The following NMNAT2 variants were observed in gnomAD, a reference collection of about 807,000 sequenced individuals.
NMNAT2 encodes nicotinamide/nicotinic acid mononucleotide adenylyltransferase 2.
Under a neutral mutation model 41.6 loss-of-function variants are expected in NMNAT2, and 11 were observed. The ratio of observed to expected loss-of-function variants is 0.26; its 90% CI spans 0.17 to 0.44. The LOEUF is 0.44. Ranked by LOEUF, NMNAT2 falls within the 20% of genes least tolerant of loss-of-function variation. The pLI is 1.00. For missense variants in NMNAT2, 288 were observed against 407.7 expected (o/e 0.71, Z 2.53); for synonymous variants, 148 against 151.2 (o/e 0.98, Z 0.16).
intron 1 of NMNAT2, among the ~76,000 whole-genome samples, chr1:183,406,692 T>G (rs1306381886): frequency 4.6e-5 from 7 of 152,190 alleles, no homozygotes. Flanking sequence ...CGGTTTTTGG[T>G]TTTGTTCGCT....
intron 1 of NMNAT2, among the ~76,000 whole-genome samples, chr1:183,296,513 T>C (rs904374911): frequency 1.5e-5 from 2 of 132,140 alleles, no homozygotes; most frequent in African/African-American, 5.2e-5. Context: ...GATAAGTGTG[T>C]CACATTTGCT....
Position 183,279,127 on chromosome 1 carries a change from C to T in NMNAT2, c.575-498G>A, listed in dbSNP as rs1661197912. ...GGACAGTGAGTGTACCTTGAGGTAG[C>T]TGAGTGTATAAAATGTGTCACATGG... is the stretch of plus-strand genomic sequence containing the variant. On this transcript the variant is annotated intron_variant, in intron 7 of 10. Transcript: ENST00000287713. Among the ~76,000 whole-genome samples the T allele has an allele frequency of 4.6e-5, 7 of 152,216 alleles. No homozygotes were observed. The South Asian group carries it at 1.4e-3, about 32-fold the overall frequency.
intron 8 of NMNAT2, among the ~76,000 whole-genome samples, chr1:183,265,258 C>CTTTTTTTTT (rs67117635): frequency 3.3e-4 from 21 of 64,524 alleles, no homozygotes; most frequent in African/African-American, 4.5e-4. Flanking sequence ...TCTTCTTCTT[C>CTTTTTTTTT]TTTTTTTTTT....
intron 1 of NMNAT2, among the ~76,000 whole-genome samples, chr1:183,369,279 T>G (rs959114505): frequency 1.3e-5 from 2 of 149,508 alleles, no homozygotes; most frequent in African/African-American, 4.9e-5. Context: ...TTTTTTTTAT[T>G]ATTTATTTAT....
At chr1:183,274,531 T>A (rs1267509788) in intron 8 of NMNAT2, among the ~76,000 whole-genome samples, 1 of 151,760 alleles carries the variant, frequency 6.6e-6, no homozygotes, top group Admixed American at 6.6e-5. Flanking sequence ...CAGGGTGGTC[T>A]CGAACTCTTG....
intron 1 of NMNAT2, among the ~76,000 whole-genome samples, chr1:183,342,022 C>CTTTTTTTTT (rs11355849): frequency 7.5e-6 from 1 of 132,562 alleles, no homozygotes; most frequent in Admixed American, 7.6e-5. Context: ...CCTTCCTCAC[C>CTTTTTTTTT]TTTTTTTTTT....
chr1:183,386,227 G>T (rs1485092251), intron 1 of NMNAT2, among the ~76,000 whole-genome samples: 2 of 151,992 alleles, frequency 1.3e-5, no homozygotes, highest in Non-Finnish European at 2.9e-5. Context: ...GTGAACAAAG[G>T]TATCACAAGA....
At chr1:183,255,294 T>G (rs1660487212) in intron 10 of NMNAT2, among the ~76,000 whole-genome samples, 1 of 152,236 alleles carries the variant, frequency 6.6e-6, no homozygotes, top group South Asian at 2.1e-4. Context: ...TTTATGCCAG[T>G]ACCATACTGT....
At chr1:183,296,595 C>T (rs1053012569) in intron 1 of NMNAT2, among the ~76,000 whole-genome samples, 4 of 151,924 alleles carry the variant, frequency 2.6e-5, no homozygotes, top group African/African-American at 7.2e-5. Context: ...TCACTGCAAC[C>T]TCCGCCTCCT....
chr1:183,289,700 G>A (rs961592140), intron 4 of NMNAT2, among the ~76,000 whole-genome samples: 2 of 152,340 alleles, frequency 1.3e-5, no homozygotes, highest in East Asian at 1.9e-4. Flanking sequence ...AAGGGGGCCA[G>A]TGGGGCCCCC....
intron 5 of NMNAT2, 60 bp from the exon 6 acceptor site, chr1:183,284,850 CTCA>C (rs1661362288): frequency 7.0e-7 from 1 of 1,423,320 alleles, no homozygotes; most frequent in South Asian, 1.1e-5. Flanking sequence ...ACAACTGGCA[CTCA>C]TGTCGGCCCG....
intron 8 of NMNAT2, among the ~76,000 whole-genome samples, chr1:183,263,636 C>G (rs1660724729): frequency 1.3e-5 from 2 of 152,080 alleles, no homozygotes; most frequent in East Asian, 3.9e-4. Flanking sequence ...GAAACCCTGT[C>G]TCTACTAAAA....
At chr1:183,253,266 CTATAT>C (rs947050184) in intron 10 of NMNAT2, among the ~76,000 whole-genome samples, 20 of 146,772 alleles carry the variant, frequency 1.4e-4, no homozygotes, top group Admixed American at 2.7e-4. Flanking sequence ...ATATATTATA[CTATAT>C]TATATTATTT....
chr1:183,254,208 T>G (rs1393382673), intron 10 of NMNAT2, among the ~76,000 whole-genome samples: 1 of 152,190 alleles, frequency 6.6e-6, no homozygotes. Flanking sequence ...CCACCAACAG[T>G]GTACAAGGGT....
At chr1:183,305,043 A>T (rs183647335) in intron 1 of NMNAT2, among the ~76,000 whole-genome samples, 1 of 149,828 alleles carries the variant, frequency 6.7e-6, no homozygotes, top group Admixed American at 6.7e-5. Context: ...CCCCATTCCC[A>T]TCCCGCATCC....
intron 7 of NMNAT2, 40 bp from the exon 8 acceptor site, chr1:183,278,669 T>A: frequency 7.0e-7 from 1 of 1,438,068 alleles, no homozygotes; most frequent in Non-Finnish European, 9.8e-7. Flanking sequence ...GAGTAAGTGG[T>A]GGCCCGGGAA....
chr1:183,294,527 T>TC (rs1380895173), intron 1 of NMNAT2, among the ~76,000 whole-genome samples: 1 of 152,156 alleles, frequency 6.6e-6, no homozygotes, highest in Non-Finnish European at 1.5e-5. Flanking sequence ...GTGTGGTGGC[T>TC]CACACCTGTA....
At chr1:183,373,387 T>C (rs374354932) in intron 1 of NMNAT2, among the ~76,000 whole-genome samples, 1 of 152,126 alleles carries the variant, frequency 6.6e-6, no homozygotes, top group Non-Finnish European at 1.5e-5. Flanking sequence ...CCTTCTCCTT[T>C]CCATGACCCC....
At chr1:183,416,427 A>G (rs1267461302) in intron 1 of NMNAT2, among the ~76,000 whole-genome samples, 1 of 152,218 alleles carries the variant, frequency 6.6e-6, no homozygotes, top group Non-Finnish European at 1.5e-5. Flanking sequence ...ATAAAGTGCT[A>G]GAGGACATAT....
Sources: allele counts gnomAD v4.1 joint callset (sites outside exome capture counted in the v4.1 genomes callset), GRCh38; gene constraint gnomAD v4.1.1; transcripts MANE v1.5; gene names NCBI Gene and HGNC (gene_info 2026-07-23, HGNC 2026-07-21).